TRAPPC12: variants seen among roughly 807,000 people sequenced by gnomAD.
TRAPPC12 encodes the protein TPR repeat protein 15.
In TRAPPC12, 61 loss-of-function variants were observed where a neutral mutation model predicts 69.2. The observed-to-expected ratio is 0.88, with a 90% CI of 0.72 to 1.09. The LOEUF (loss-of-function observed/expected upper bound fraction) is 1.09. TRAPPC12 is among the 50% of genes least tolerant of loss of function. The probability of loss-of-function intolerance (pLI) is 0.00; values close to 1 mark genes in which losing one functional copy is unlikely to be tolerated. For missense variants in TRAPPC12, 1,101 were observed against 1,016.4 expected (o/e 1.08, Z -1.13); for synonymous variants, 469 against 438.9 (o/e 1.07, Z -0.86).
intron 5 of TRAPPC12, among the ~76,000 whole-genome samples, chr2:3,431,737 A>T (rs184264219): frequency 9.2e-5 from 14 of 152,330 alleles, no homozygotes; most frequent in South Asian, 2.1e-4. Flanking sequence ...AACAGCTTGC[A>T]TTGGTGTGGT....
chr2:3,449,924 C>A (rs1664761490), intron 6 of TRAPPC12, among the ~76,000 whole-genome samples: 1 of 152,116 alleles, frequency 6.6e-6, no homozygotes, highest in Non-Finnish European at 1.5e-5. Flanking sequence ...CCATCGAGGC[C>A]ACTTCCCTGC....
chr2:3,457,604 A>G lies in TRAPPC12; in HGVS notation c.1531-17A>G. 1.9e-6 allele frequency: 3 copies of G among 1,611,858 alleles called. No homozygotes were observed. Among genetic ancestry groups the G allele is most frequent in the South Asian group, 1.1e-5 (1 of 90,914 alleles). ...TGGTTCCCATGATTTTGTCCTTCTC[A>G]TTTGGAATGATTGCAGATCCTGGCC... On this transcript the variant is annotated splice_polypyrimidine_tract_variant and intron_variant, in intron 6 of 11. Transcript: ENST00000324266.
intron 3 of TRAPPC12, among the ~76,000 whole-genome samples, chr2:3,408,639 A>T (rs116660422): frequency 0.015 from 2,334 of 151,610 alleles, 64 homozygotes; most frequent in African/African-American, 0.052. Context: ...AAAAAAATTT[A>T]AAAAAAAATA....
chr2:3,434,180 G>A (rs1012640675), intron 5 of TRAPPC12, among the ~76,000 whole-genome samples: 2 of 152,232 alleles, frequency 1.3e-5, no homozygotes, highest in African/African-American at 2.4e-5. Context: ...CACGGACCTC[G>A]TGGCTGTCAT....
At chr2:3,429,096 G>A (rs1420755307) in intron 5 of TRAPPC12, among the ~76,000 whole-genome samples, 2 of 152,206 alleles carry the variant, frequency 1.3e-5, no homozygotes, top group African/African-American at 4.8e-5. Flanking sequence ...TTCCTTTCGT[G>A]GGTTGTGGGG....
chr2:3,471,324 T>C (rs1207209120), intron 9 of TRAPPC12, among the ~76,000 whole-genome samples: 1 of 152,124 alleles, frequency 6.6e-6, no homozygotes, highest in East Asian at 1.9e-4. Context: ...GTACTTGGGG[T>C]TTAATGCCTG....
chr2:3,454,438 C>T (rs892840530), intron 6 of TRAPPC12, among the ~76,000 whole-genome samples: 1 of 150,228 alleles, frequency 6.7e-6, no homozygotes, highest in Non-Finnish European at 1.5e-5. Flanking sequence ...TGCCTGGTGT[C>T]TCCGTCTCCT....
intron 2 of TRAPPC12, among the ~76,000 whole-genome samples, chr2:3,398,736 A>G (rs1661259962): frequency 6.6e-6 from 1 of 152,224 alleles, no homozygotes; most frequent in Non-Finnish European, 1.5e-5. Flanking sequence ...GAGAACAGCC[A>G]CTTGCTCCTC....
intron 3 of TRAPPC12, among the ~76,000 whole-genome samples, chr2:3,409,193 C>A (rs1432843979): frequency 6.6e-6 from 1 of 152,148 alleles, no homozygotes; most frequent in Non-Finnish European, 1.5e-5. Flanking sequence ...CTGCCAGGCC[C>A]CCGACAAAGG....
chr2:3,419,784 C>A (rs1380415115), intron 3 of TRAPPC12, among the ~76,000 whole-genome samples: 1 of 152,096 alleles, frequency 6.6e-6, no homozygotes, highest in African/African-American at 2.4e-5. Context: ...AAAGGAAAAA[C>A]TCCATGAGAG....
intron 5 of TRAPPC12, among the ~76,000 whole-genome samples, chr2:3,435,281 T>C (rs1663693944): frequency 6.6e-6 from 1 of 152,234 alleles, no homozygotes; most frequent in Non-Finnish European, 1.5e-5. Context: ...CCCAAAGTGC[T>C]GGGATTACAG....
intron 6 of TRAPPC12, chr2:3,457,275 C>T: frequency 4.9e-6 from 2 of 405,852 alleles, no homozygotes; most frequent in South Asian, 3.8e-5. Flanking sequence ...AAAAATAGAC[C>T]AGAGACTACC....
chr2:3,422,488 A>G (rs1433196058), intron 4 of TRAPPC12, among the ~76,000 whole-genome samples: 1 of 152,246 alleles, frequency 6.6e-6, no homozygotes, highest in East Asian at 1.9e-4. Flanking sequence ...AACTCATCTG[A>G]GAAGAAGGAA....
intron 9 of TRAPPC12, among the ~76,000 whole-genome samples, chr2:3,474,461 C>T (rs1666204109): frequency 6.6e-6 from 1 of 152,152 alleles, no homozygotes; most frequent in East Asian, 1.9e-4. Context: ...ACAGACACAC[C>T]CAGGATCAAT....
chr2:3,465,383 C>T (rs1038258357), intron 8 of TRAPPC12, among the ~76,000 whole-genome samples: 2 of 152,040 alleles, frequency 1.3e-5, no homozygotes, highest in African/African-American at 2.4e-5. Flanking sequence ...CGTTGCGATG[C>T]GCACAGCTCA....
At position 3,479,550 on chromosome 2, in the gene TRAPPC12, TAAA is replaced by T; in HGVS notation, c.*91_*93del. 3 of 1,501,226 alleles carry T rather than the reference TAAA, an allele frequency of 2.0e-6. No individual in the cohort carries two copies. The highest frequency in any genetic ancestry group is 2.7e-6 in the Non-Finnish European group (3 of 1,105,396). The allele number at this position is 1,501,226 out of a possible 1,614,324, so 93.0% of individuals were successfully genotyped here. A position where few individuals can be genotyped will look rare whatever the true frequency, so the allele number is the denominator to read the frequency against. ...ATTAATGTGACATGGAGGAACTCAA[TAAA>T]ACTCCTGCTTCACTGGTGTCTGCTG... On this transcript the variant is annotated 3_prime_UTR_variant, in exon 12 of 12. Coordinates refer to ENST00000324266, the MANE Select transcript of TRAPPC12 (RefSeq NM_016030.6).
intron 7 of TRAPPC12, 90 bp from the exon 8 acceptor site, chr2:3,460,173 G>C (rs1665407107): frequency 1.2e-6 from 1 of 830,030 alleles, no homozygotes; most frequent in Admixed American, 1.8e-5. Flanking sequence ...ATCTTTTAAA[G>C]TTAAATTAGA....
At chr2:3,431,579 T>G (rs1022203846) in intron 5 of TRAPPC12, among the ~76,000 whole-genome samples, 2 of 152,168 alleles carry the variant, frequency 1.3e-5, no homozygotes, top group African/African-American at 4.8e-5. Context: ...CTTCTTTCTT[T>G]AATTTTCTTT....
chr2:3,388,425 C>A lies in TRAPPC12; in HGVS notation c.802C>A (p.Pro268Thr). 6.2e-7 allele frequency: 1 copy of A among 1,606,172 alleles called. No homozygotes were observed. The highest frequency in any genetic ancestry group is 8.5e-7 in the Non-Finnish European group (1 of 1,176,718). ...CCCCGAACCCGTGGCCATGCGAGGG[C>A]CCCAGGCAGCTGCGCCCCCGGCGTC... The part of the protein sequence containing the change: ...GRPEPVAMRG[P>T]QAAAPPASPE... Residue 268 changes from proline to threonine, a missense_variant, in exon 2 of 12, where the codon CCC becomes ACC. By Grantham distance (38) the Pro-to-Thr change is conservative (BLOSUM62 -1). Coordinates refer to ENST00000324266, the MANE Select transcript of TRAPPC12 (RefSeq NM_016030.6).
Sources: gnomAD v4.1 joint callset for allele counts (sites outside exome capture counted in the v4.1 genomes callset) on GRCh38, gnomAD v4.1.1 for gene constraint, MANE v1.5 for transcripts, NCBI Gene and HGNC (gene_info 2026-07-23, HGNC 2026-07-21) for gene names.